The following NR1D2 variants were observed in gnomAD, a reference collection of about 807,000 sequenced individuals.
The protein encoded by NR1D2 is nuclear receptor subfamily 1 group D member 2.
Under a neutral mutation model 52.2 loss-of-function variants are expected in NR1D2, and 25 were observed. The ratio of observed to expected loss-of-function variants is 0.48; its 90% CI spans 0.35 to 0.67. NR1D2 has a LOEUF of 0.67. Among genes scored for constraint, NR1D2 ranks in the 30% least tolerant of loss-of-function variants. NR1D2 has a pLI of 0.01. For synonymous variants in NR1D2, 259 were observed against 230.1 expected (o/e 1.13, Z -1.14); for missense variants, 681 against 707.2 (o/e 0.96, Z 0.42).
chr3:23,947,284 A>G (rs1487300505), intron 1 of NR1D2, among the ~76,000 whole-genome samples: 1 of 152,242 alleles, frequency 6.6e-6, no homozygotes, highest in Non-Finnish European at 1.5e-5. Context: ...GCCCTCTTCC[A>G]ATACTTCGCT....
intron 1 of NR1D2, among the ~76,000 whole-genome samples, chr3:23,947,626 C>G (rs1156981480): frequency 6.6e-6 from 1 of 152,160 alleles, no homozygotes; most frequent in Non-Finnish European, 1.5e-5. Flanking sequence ...TCAACTAGGA[C>G]CTTTCACGTG....
chr3:23,967,427 T>A (rs540247812), intron 6 of NR1D2, among the ~76,000 whole-genome samples: 2 of 151,896 alleles, frequency 1.3e-5, no homozygotes, highest in South Asian at 4.2e-4. Flanking sequence ...CCAGCCTTGC[T>A]AACATGGTGA....
intron 4 of NR1D2, among the ~76,000 whole-genome samples, chr3:23,960,296 T>C (rs1559333485): frequency 6.6e-6 from 1 of 151,544 alleles, no homozygotes; most frequent in Non-Finnish European, 1.5e-5. Context: ...TCCCAGTTAC[T>C]CGGGAGGCTA....
chr3:23,970,809 TTC>T (rs2125296835), intron 7 of NR1D2, among the ~76,000 whole-genome samples: 1 of 152,274 alleles, frequency 6.6e-6, no homozygotes, highest in East Asian at 1.9e-4. Context: ...GAGATGGAGT[TTC>T]TCTCTTGCTG....
At chr3:23,969,006 A>G (rs942214640) in intron 7 of NR1D2, among the ~76,000 whole-genome samples, 5 of 152,178 alleles carry the variant, frequency 3.3e-5, no homozygotes, top group African/African-American at 1.2e-4. Flanking sequence ...GTTCTTGGCC[A>G]GGCGCCAGGG....
At chr3:23,963,317 T>C (rs1371077428) in intron 5 of NR1D2, 1 of 1,346,960 alleles carries the variant, frequency 7.4e-7, no homozygotes, top group East Asian at 4.6e-5. Context: ...GTGCTTGGTA[T>C]TTTCTACTGA....
At position 23,978,978 on chromosome 3, in the gene NR1D2, A is replaced by G. The variant is rs1036012435; in HGVS notation, c.*1559A>G. ...CTGTTTACCTGGAAAATAGCAATTA[A>G]TTGGATTTTTTGGTAAAGATTGCCT... is the stretch of plus-strand genomic sequence containing the variant. On this transcript the variant is annotated 3_prime_UTR_variant, in exon 8 of 8. Coordinates refer to ENST00000312521, the MANE Select transcript of NR1D2 (RefSeq NM_005126.5). The G allele has an allele frequency of 6.6e-6, 1 of 152,096 alleles. No individual in the cohort carries two copies. Among genetic ancestry groups the G allele is most frequent in the African/African-American group, 2.4e-5 (1 of 41,438 alleles). 9.4% of individuals were successfully genotyped at this position (152,096 alleles called of 1,614,324 possible).
Position 23,977,557 on chromosome 3 carries a change from TGCAATA to T in NR1D2, c.*141_*146del, listed in dbSNP as rs534456639. On this transcript the variant is annotated 3_prime_UTR_variant, in exon 8 of 8. Transcript: ENST00000312521. ...AGATTGTAGGCTATCTCTGTAATCA[TGCAATA>T]GCTGTTCGGATTGAGAACTCTTCAG... is the stretch of plus-strand genomic sequence containing the variant. The T allele has an allele frequency of 2.4e-5, 12 of 504,436 alleles. No individual in the cohort carries two copies. In the South Asian group the frequency reaches 5.9e-4, roughly 25 times the overall value. 31.2% of individuals were successfully genotyped at this position (504,436 alleles called of 1,614,324 possible).
chr3:23,959,390 C>G (rs1487406743), intron 3 of NR1D2, among the ~76,000 whole-genome samples: 3 of 151,644 alleles, frequency 2.0e-5, no homozygotes, highest in South Asian at 4.2e-4. Flanking sequence ...GTGGTTGTTG[C>G]AAGGGGTGTT....
chr3:23,977,890 A>G lies in NR1D2; in HGVS notation c.*471A>G, dbSNP rs530572713. On this transcript the variant is annotated 3_prime_UTR_variant, in exon 8 of 8. Transcript: ENST00000312521. ...GGATTTAGGAGATCTCCATGTCTGT[A>G]TTTACTCTACCACTGCTAAAGTGTG... 1.3e-5 allele frequency: 2 copies of G among 152,386 alleles called. No homozygotes were observed. Among genetic ancestry groups the G allele is most frequent in the East Asian group, 1.9e-4 (1 of 5,196 alleles). The allele number at this position is 152,386 out of a possible 1,614,324, so 9.4% of individuals were successfully genotyped here.
At chr3:23,957,273 C>T (rs1054396280) in intron 3 of NR1D2, among the ~76,000 whole-genome samples, 26 of 151,130 alleles carry the variant, frequency 1.7e-4, no homozygotes, top group Admixed American at 1.1e-3. Flanking sequence ...GTGAGCCACG[C>T]GCCCTGCCAA....
chr3:23,945,818 C>CGGCCCGGCCCCCCCCTCACAT (rs1433101818), intron 1 of NR1D2, among the ~76,000 whole-genome samples: 47 of 150,668 alleles, frequency 3.1e-4, no homozygotes, highest in South Asian at 1.0e-3. Flanking sequence ...TGCCGGCGCC[C>CGGCCCGGCCCCCCCCTCACAT]GGCCCGGCCC....
intron 3 of NR1D2, among the ~76,000 whole-genome samples, chr3:23,957,182 C>T (rs1009098449): frequency 1.3e-5 from 2 of 151,706 alleles, no homozygotes; most frequent in African/African-American, 4.8e-5. Flanking sequence ...GGGGTTTCAT[C>T]ACATTGGCCA....
At chr3:23,959,874 A>G in intron 4 of NR1D2, 59 bp downstream of exon 4, 7 of 1,507,690 alleles carry the variant, frequency 4.6e-6, no homozygotes, top group Non-Finnish European at 6.2e-6. Flanking sequence ...TTTATTCCTC[A>G]TCATGAACCA....
intron 1 of NR1D2, chr3:23,946,048 G>T (rs1490296660): frequency 2.1e-6 from 2 of 962,564 alleles, no homozygotes; most frequent in Non-Finnish European, 2.5e-6. Flanking sequence ...CGCGCGCGCT[G>T]GCTGGGAGCG....
chr3:23,979,073 T>G lies in NR1D2; in HGVS notation c.*1654T>G, dbSNP rs868299660. 2 of 152,146 alleles carry G rather than the reference T, an allele frequency of 1.3e-5. No individual in the cohort carries two copies. The highest frequency in any genetic ancestry group is 1.3e-4 in the Admixed American group (2 of 15,276). 9.4% of individuals were successfully genotyped at this position (152,146 alleles called of 1,614,324 possible). On this transcript the variant is annotated 3_prime_UTR_variant, in exon 8 of 8. Coordinates refer to ENST00000312521, the MANE Select transcript of NR1D2 (RefSeq NM_005126.5). ...GCCCGCTTTACTGTACTAAGCCTGTTACTTTCATGACGTGTGAGCAGAATG... is the reference window on the plus strand; with the variant it reads ...GCCCGCTTTACTGTACTAAGCCTGTGACTTTCATGACGTGTGAGCAGAATG...
At chr3:23,964,397 A>G (rs1321156284) in intron 5 of NR1D2, among the ~76,000 whole-genome samples, 1 of 152,112 alleles carries the variant, frequency 6.6e-6, no homozygotes, top group Non-Finnish European at 1.5e-5. Flanking sequence ...TGACCTTTTC[A>G]ACAAAATGAG....
At chr3:23,961,869 T>A (rs1706256209) in intron 4 of NR1D2, 108 bp from the exon 5 acceptor site, 1 of 1,019,000 alleles carries the variant, frequency 9.8e-7, no homozygotes, top group Non-Finnish European at 1.4e-6. Context: ...GACTCATTCT[T>A]TATATGTATG....
chr3:23,958,695 C>T (rs1024792262), intron 3 of NR1D2, among the ~76,000 whole-genome samples: 6 of 149,252 alleles, frequency 4.0e-5, no homozygotes, highest in Admixed American at 2.7e-4. Flanking sequence ...TGCCTGTAAT[C>T]CTAGCACTTT....
Sources: allele counts gnomAD v4.1 joint callset (sites outside exome capture counted in the v4.1 genomes callset), GRCh38; gene constraint gnomAD v4.1.1; transcripts MANE v1.5; gene names NCBI Gene and HGNC (gene_info 2026-07-23, HGNC 2026-07-21).